MESP1: variants seen among roughly 807,000 people sequenced by gnomAD.
MESP1 encodes mesoderm posterior protein 1.
MESP1 carries 22 observed loss-of-function variants against 15.2 expected under a neutral mutation model. The observed-to-expected ratio is 1.45, with a 90% CI of 1.04 to 2.07. MESP1 has a LOEUF of 2.07. Ranked by LOEUF, MESP1 falls within the 30% of genes most tolerant of loss-of-function variation. MESP1 has a pLI of 0.00. For synonymous variants in MESP1, 216 were observed against 192.6 expected, an observed-to-expected ratio of 1.12 and a Z score of -1.01; for missense variants, 484 against 411.9, an observed-to-expected ratio of 1.17 and a Z score of -1.51.
chr15:89,738,325 T>C, the MESP1 span: 2 of 1,436,990 alleles, frequency 1.4e-6, no homozygotes, highest in Non-Finnish European at 1.9e-6. Flanking sequence ...GTAAATCCTT[T>C]CAGCATTGAA....
chr15:89,737,248 A>G, the MESP1 span, among the ~76,000 whole-genome samples: 2 of 152,236 alleles, frequency 1.3e-5, no homozygotes. Flanking sequence ...TTGGGAGCAC[A>G]GGTGAGAAAT....
the MESP1 span, among the ~76,000 whole-genome samples, chr15:89,742,575 C>CCA: frequency 6.6e-6 from 1 of 151,988 alleles, no homozygotes. Context: ...CTCTTGTTGC[C>CCA]CAGGCTGGAG....
At chr15:89,743,384 A>G in the MESP1 span, 1 of 1,614,204 alleles carries the variant, frequency 6.2e-7, no homozygotes, top group East Asian at 2.2e-5. Flanking sequence ...GAGAACTTCA[A>G]GAAGTGAGGC....
the MESP1 span, chr15:89,738,099 C>T: frequency 6.2e-7 from 1 of 1,613,992 alleles, no homozygotes; most frequent in East Asian, 2.2e-5. Context: ...ATTCTGTTTT[C>T]TATTTTAATT....
At chr15:89,737,404 AC>A in the MESP1 span, among the ~76,000 whole-genome samples, 1 of 152,182 alleles carries the variant, frequency 6.6e-6, no homozygotes, top group Non-Finnish European at 1.5e-5. Context: ...CCCCAAGCAC[AC>A]ATGTGTGTGC....
At chr15:89,734,648 C>T in the MESP1 span, among the ~76,000 whole-genome samples, 2 of 152,106 alleles carry the variant, frequency 1.3e-5, no homozygotes, top group African/African-American at 2.4e-5. Context: ...ATCTACCACA[C>T]CATTTTTCTA....
At chr15:89,740,932 G>A in the MESP1 span, among the ~76,000 whole-genome samples, 5 of 152,096 alleles carry the variant, frequency 3.3e-5, no homozygotes, top group South Asian at 2.1e-4. Flanking sequence ...CTAAGGCCAG[G>A]CGTTCGAGAC....
At chr15:89,734,207 A>G in the MESP1 span, among the ~76,000 whole-genome samples, 2 of 152,144 alleles carry the variant, frequency 1.3e-5, no homozygotes, top group South Asian at 2.1e-4. Context: ...CCAAAACTTA[A>G]TGGTTTAAGA....
chr15:89,747,050 G>GCACACA (rs142029540), downstream of MESP1, among the ~76,000 whole-genome samples: 33 of 105,602 alleles, frequency 3.1e-4, no homozygotes, highest in African/African-American at 8.2e-4. Context: ...ACATGCGCAT[G>GCACACA]CACACACACA....
chr15:89,744,431 C>T, the MESP1 span, among the ~76,000 whole-genome samples: 1 of 152,212 alleles, frequency 6.6e-6, no homozygotes, highest in Non-Finnish European at 1.5e-5. Context: ...ACAGCAGGTG[C>T]TCTGGCAGCT....
At chr15:89,741,900 T>C in the MESP1 span, among the ~76,000 whole-genome samples, 1 of 152,108 alleles carries the variant, frequency 6.6e-6, no homozygotes, top group Non-Finnish European at 1.5e-5. Context: ...TACAGGCACA[T>C]GCCACCATGC....
downstream of MESP1, among the ~76,000 whole-genome samples, chr15:89,746,578 C>T (rs117400804): frequency 0.013 from 1,925 of 148,422 alleles, 97 homozygotes; most frequent in Admixed American, 0.092. Context: ...GCCCTGCCTC[C>T]GCAAACACAC....
Position 89,750,545 on chromosome 15 carries a change from A to C in MESP1, c.687T>G (p.Pro229=), listed in dbSNP as rs2305441. The change falls in exon 1 of 2, where the codon CCT becomes CCG. Residue 229 remains proline (P), a synonymous_variant. Transcript: ENST00000300057. Reference sequence around the variant, plus strand: ...GGCTTGGCTCCATCGCCTGCCCTTCAGGGCACGCCGCCTCGGCGAACAGCG... The same window carrying C: ...GGCTTGGCTCCATCGCCTGCCCTTCCGGGCACGCCGCCTCGGCGAACAGCG... The part of the protein sequence containing the change: ...PPALFAEAAC[P]EGQAMEPSPP... 926,981 of 1,481,144 alleles carry C rather than the reference A, an allele frequency of 0.63. 296,049 individuals are homozygous for C. The highest frequency in any genetic ancestry group is 0.82 in the African/African-American group (57,701 of 69,960). 91.8% of individuals were successfully genotyped at this position (1,481,144 alleles called of 1,614,324 possible).
downstream of MESP1, among the ~76,000 whole-genome samples, chr15:89,748,501 C>T (rs1291111281): frequency 4.6e-5 from 7 of 152,206 alleles, no homozygotes; most frequent in South Asian, 2.1e-4. Flanking sequence ...AAAAACAAAC[C>T]GAGCGGCATC....
rs1314917446 is a variant in MESP1, at chr15:89,750,971, G to A, written c.261C>T (p.Ala87=). 3 of 1,437,232 alleles carry A rather than the reference G, an allele frequency of 2.1e-6. No homozygotes were observed. The highest frequency in any genetic ancestry group is 2.7e-6 in the Non-Finnish European group (3 of 1,099,858). 89.0% of individuals were successfully genotyped at this position (1,437,232 alleles called of 1,614,324 possible). Reference sequence around the variant, plus strand: ...GCATGCGCAGTTTCTCCCGCTCACTGGCGCTCTGCCTCTGCCCGCTGCCCA... The same window carrying A: ...GCATGCGCAGTTTCTCCCGCTCACTAGCGCTCTGCCTCTGCCCGCTGCCCA... ...SRLGSGQRQS[A]SEREKLRMRT... The change falls in exon 1 of 2, where the codon GCC becomes GCT. Residue 87 remains alanine (A), a synonymous_variant. Transcript: ENST00000300057.
chr15:89,742,009 C>G, the MESP1 span, among the ~76,000 whole-genome samples: 179 of 152,298 alleles, frequency 1.2e-3, 2 homozygotes. Context: ...CCTTGGCCTC[C>G]CAAAGTGCTG....
chr15:89,750,489 G>C lies in MESP1; in HGVS notation c.723+20C>G, dbSNP rs1968064664. The C allele has an allele frequency of 2.0e-6, 3 of 1,488,706 alleles. No individual in the cohort carries two copies. Among genetic ancestry groups the C allele is most frequent in the Non-Finnish European group, 2.7e-6 (3 of 1,126,664 alleles). The allele number at this position is 1,488,706 out of a possible 1,614,324, so 92.2% of individuals were successfully genotyped here. ...GCGCGGGGGCACGGACGAAGGGGGC[G>C]CGGGGAAGGGGACACTAACCGGGGA... On this transcript the variant is annotated intron_variant, in intron 1 of 1. Coordinates refer to ENST00000300057, the MANE Select transcript of MESP1 (RefSeq NM_018670.4).
the MESP1 span, among the ~76,000 whole-genome samples, chr15:89,734,317 T>C: frequency 1.3e-5 from 2 of 152,186 alleles, no homozygotes; most frequent in African/African-American, 4.8e-5. Flanking sequence ...AAATGTGCCT[T>C]CAGGCAGCTC....
chr15:89,737,043 G>A, the MESP1 span, among the ~76,000 whole-genome samples: 3 of 152,170 alleles, frequency 2.0e-5, no homozygotes, highest in Non-Finnish European at 4.4e-5. Flanking sequence ...CGCCCACCTT[G>A]GCCTCCCAAA....
Sources: gnomAD v4.1 joint callset for allele counts (sites outside exome capture counted in the v4.1 genomes callset) on GRCh38, gnomAD v4.1.1 for gene constraint, MANE v1.5 for transcripts, NCBI Gene and HGNC (gene_info 2026-07-23, HGNC 2026-07-21) for gene names.